Variants in SPMAP2L observed in about 807,000 individuals in gnomAD.
SPMAP2L encodes sperm microtubule associated protein 2 like.
chr4:56,617,264 G>A, the SPMAP2L span, among the ~76,000 whole-genome samples: 1 of 152,156 alleles, frequency 6.6e-6, no homozygotes, highest in Non-Finnish European at 1.5e-5. Flanking sequence ...AAGTATTTGT[G>A]TAGCTAAACA....
At chr4:56,596,463 T>C in the SPMAP2L span, 9 of 1,472,782 alleles carry the variant, frequency 6.1e-6, no homozygotes, top group Non-Finnish European at 8.0e-6. Context: ...GTTTATTACT[T>C]GATGCTTATA....
the SPMAP2L span, among the ~76,000 whole-genome samples, chr4:56,537,072 A>G: frequency 6.6e-6 from 1 of 151,990 alleles, no homozygotes; most frequent in African/African-American, 2.4e-5. Context: ...CCAATGTATT[A>G]GTATTATTAT....
chr4:56,539,360 C>A, the SPMAP2L span, among the ~76,000 whole-genome samples: 1 of 152,160 alleles, frequency 6.6e-6, no homozygotes, highest in Non-Finnish European at 1.5e-5. Context: ...ACTGGAGTAT[C>A]CTACAGGACA....
the SPMAP2L span, among the ~76,000 whole-genome samples, chr4:56,587,622 T>C: frequency 2.0e-5 from 3 of 152,224 alleles, no homozygotes; most frequent in Non-Finnish European, 4.4e-5. Context: ...TCCAATTTCA[T>C]CCAGGTCACT....
chr4:56,594,078 A>T, the SPMAP2L span: 1 of 1,608,982 alleles, frequency 6.2e-7, no homozygotes, highest in Non-Finnish European at 8.5e-7. Context: ...TCTCTTGATG[A>T]AACAGTCAAT....
At chr4:56,558,079 C>T in the SPMAP2L span, among the ~76,000 whole-genome samples, 1 of 152,104 alleles carries the variant, frequency 6.6e-6, no homozygotes, top group African/African-American at 2.4e-5. Flanking sequence ...AGTGATTCTT[C>T]CACCTCAGCC....
the SPMAP2L span, among the ~76,000 whole-genome samples, chr4:56,609,058 T>G: frequency 6.7e-6 from 1 of 149,244 alleles, no homozygotes; most frequent in Non-Finnish European, 1.5e-5. Flanking sequence ...TTCTTTTTTT[T>G]TTTTTTTTTG....
At chr4:56,592,659 T>C in the SPMAP2L span, among the ~76,000 whole-genome samples, 1 of 152,056 alleles carries the variant, frequency 6.6e-6, no homozygotes, top group African/African-American at 2.4e-5. Flanking sequence ...GCCGCGGCCA[T>C]GCAGTCCTGT....
the SPMAP2L span, among the ~76,000 whole-genome samples, chr4:56,591,411 G>A: frequency 6.6e-6 from 1 of 152,098 alleles, no homozygotes; most frequent in African/African-American, 2.4e-5. Flanking sequence ...AGCAATGCAA[G>A]GATAGACTAA....
At chr4:56,621,533 C>G in the SPMAP2L span, among the ~76,000 whole-genome samples, 1 of 152,092 alleles carries the variant, frequency 6.6e-6, no homozygotes, top group East Asian at 1.9e-4. Context: ...GGTAATTCAT[C>G]CTTAGACATT....
the SPMAP2L span, among the ~76,000 whole-genome samples, chr4:56,591,163 T>C: frequency 1.3e-5 from 2 of 152,152 alleles, no homozygotes; most frequent in Non-Finnish European, 2.9e-5. Context: ...GATATCCCCC[T>C]TGCTGTTCTT....
chr4:56,559,572 GT>G, the SPMAP2L span: 28 of 1,412,922 alleles, frequency 2.0e-5, no homozygotes, highest in Non-Finnish European at 2.4e-5. Flanking sequence ...TTTTGTTGTT[GT>G]TTTTTGCTTT....
At chr4:56,539,528 T>C in the SPMAP2L span, among the ~76,000 whole-genome samples, 3 of 152,148 alleles carry the variant, frequency 2.0e-5, no homozygotes, top group African/African-American at 7.2e-5. Context: ...TTCAAGCGAT[T>C]CTCCTGCCTC....
chr4:56,595,486 C>T, the SPMAP2L span: 4 of 1,582,384 alleles, frequency 2.5e-6, no homozygotes, highest in Non-Finnish European at 3.5e-6. Context: ...CAGGGTCAAT[C>T]CGCTGAAGAT....
the SPMAP2L span, among the ~76,000 whole-genome samples, chr4:56,625,746 C>T: frequency 6.6e-6 from 1 of 152,308 alleles, no homozygotes; most frequent in South Asian, 2.1e-4. Context: ...CAAATTAAAC[C>T]TCCTTTTCTT....
the SPMAP2L span, chr4:56,596,376 T>G: frequency 1.0e-6 from 1 of 984,572 alleles, no homozygotes; most frequent in African/African-American, 1.7e-5. Context: ...ACTGCAAGAT[T>G]CCCACCCTTT....
At chr4:56,578,686 T>G in the SPMAP2L span, among the ~76,000 whole-genome samples, 1 of 152,102 alleles carries the variant, frequency 6.6e-6, no homozygotes, top group South Asian at 2.1e-4. Flanking sequence ...AAAAAAGACC[T>G]GGATTGGCCA....
At chr4:56,541,369 G>A in the SPMAP2L span, among the ~76,000 whole-genome samples, 3 of 152,024 alleles carry the variant, frequency 2.0e-5, no homozygotes, top group Admixed American at 1.3e-4. Flanking sequence ...TATTCCTAAT[G>A]TCAGATTTCA....
chr4:56,603,430 C>T, the SPMAP2L span: 3 of 721,244 alleles, frequency 4.2e-6, no homozygotes, highest in East Asian at 2.8e-5. Context: ...CCCTTGCTTC[C>T]CCTCCCACAA....
Sources: gnomAD v4.1 joint callset for allele counts (sites outside exome capture counted in the v4.1 genomes callset) on GRCh38, gnomAD v4.1.1 for gene constraint, MANE v1.5 for transcripts, NCBI Gene and HGNC (gene_info 2026-07-23, HGNC 2026-07-21) for gene names.